LRFN5: variants seen among roughly 807,000 people sequenced by gnomAD.
LRFN5 encodes the protein leucine-rich repeat and fibronectin type-III domain-containing protein 5.
Under a neutral mutation model 45.6 loss-of-function variants are expected in LRFN5, and 24 were observed. That is an observed-to-expected ratio of 0.53 (90% CI 0.38 to 0.74). The LOEUF is 0.74. Ranked by LOEUF, LRFN5 falls within the 30% of genes least tolerant of loss-of-function variation. The pLI, the probability that LRFN5 is intolerant of heterozygous loss-of-function variation, is 0.00. For synonymous variants in LRFN5, 340 were observed against 313.8 expected (o/e 1.08, Z -0.88); for missense variants, 776 against 861.5 (o/e 0.90, Z 1.24).
chr14:41,873,489 A>C (rs1890092067), intron 2 of LRFN5, among the ~76,000 whole-genome samples: 1 of 151,898 alleles, frequency 6.6e-6, no homozygotes, highest in South Asian at 2.1e-4. Context: ...AATCTTCCAT[A>C]TGGTGTTAGT....
intron 1 of LRFN5, among the ~76,000 whole-genome samples, chr14:41,698,121 C>G (rs984568632): frequency 4.6e-5 from 7 of 151,838 alleles, no homozygotes; most frequent in Middle Eastern, 6.8e-3. Context: ...AGGTGCTGGA[C>G]AAATTTAAGA....
At chr14:41,801,071 T>A (rs1887313642) in intron 2 of LRFN5, among the ~76,000 whole-genome samples, 1 of 152,122 alleles carries the variant, frequency 6.6e-6, no homozygotes, top group South Asian at 2.1e-4. Context: ...AGAGTTTATA[T>A]ATGTACATAT....
chr14:41,769,231 G>A (rs1885994698), intron 2 of LRFN5, among the ~76,000 whole-genome samples: 1 of 152,194 alleles, frequency 6.6e-6, no homozygotes, highest in South Asian at 2.1e-4. Flanking sequence ...GAATGGAGTA[G>A]TAGTAGCAGA....
chr14:41,864,037 G>T (rs1235275538), intron 2 of LRFN5, among the ~76,000 whole-genome samples: 2 of 152,114 alleles, frequency 1.3e-5, no homozygotes, highest in Non-Finnish European at 2.9e-5. Flanking sequence ...AGTATTCCAT[G>T]GTATATATCC....
intron 1 of LRFN5, among the ~76,000 whole-genome samples, chr14:41,617,301 G>A (rs1887961081): frequency 6.6e-6 from 1 of 152,032 alleles, no homozygotes; most frequent in South Asian, 2.1e-4. Context: ...TATCATGATT[G>A]TCTCTGTTTT....
rs549730317 is a variant in LRFN5, at chr14:41,858,384, A to G, written c.-20-28222A>G. ...CGCATTCTCTCAAATGCCTATTTCC[A>G]GTAAAAAATTTCTCTGATTCTACCC... On this transcript the variant is annotated intron_variant, in intron 2 of 5. Transcript: ENST00000298119. 7.2e-5 allele frequency among the ~76,000 whole-genome samples: 11 copies of G among 152,262 alleles called. No homozygotes were observed. In the East Asian group the frequency reaches 1.9e-3, roughly 27 times the overall value.
intron 1 of LRFN5, among the ~76,000 whole-genome samples, chr14:41,648,442 C>A (rs1483980128): frequency 6.6e-6 from 1 of 151,886 alleles, no homozygotes; most frequent in East Asian, 1.9e-4. Context: ...TTAGTCTAGG[C>A]AACCAAGCGA....
Position 41,705,663 on chromosome 14 carries a change from C to T in LRFN5, c.-196-61191C>T, listed in dbSNP as rs899879226. 3.3e-5 allele frequency among the ~76,000 whole-genome samples: 5 copies of T among 152,200 alleles called. No individual in the cohort carries two copies. In the East Asian group the frequency reaches 9.7e-4, roughly 29 times the overall value. ...TCTTTATCCATATCATACTCTATCC[C>T]TACTCAAGGTAACCTAGCAACATGT... On this transcript the variant is annotated intron_variant, in intron 1 of 5. Coordinates refer to ENST00000298119, the MANE Select transcript of LRFN5 (RefSeq NM_152447.5).
At chr14:41,859,478 A>T (rs1889587440) in intron 2 of LRFN5, among the ~76,000 whole-genome samples, 1 of 152,182 alleles carries the variant, frequency 6.6e-6, no homozygotes, top group African/African-American at 2.4e-5. Context: ...CACCTTCTTT[A>T]TTGTAACAAG....
At chr14:41,859,946 G>A (rs904632846) in intron 2 of LRFN5, among the ~76,000 whole-genome samples, 1 of 152,102 alleles carries the variant, frequency 6.6e-6, no homozygotes, top group Non-Finnish European at 1.5e-5. Context: ...GGGTTTTGGA[G>A]GCAGTTAGTG....
chr14:41,745,440 T>G (rs1470736727), intron 1 of LRFN5, among the ~76,000 whole-genome samples: 3 of 152,020 alleles, frequency 2.0e-5, no homozygotes, highest in Non-Finnish European at 2.9e-5. Flanking sequence ...AGAAAGCTCT[T>G]CATTGAACAA....
At chr14:41,787,484 GT>G (rs1358345209) in intron 2 of LRFN5, among the ~76,000 whole-genome samples, 1 of 149,968 alleles carries the variant, frequency 6.7e-6, no homozygotes. Context: ...GTTGTCTCAT[GT>G]TTGAAATATA....
intron 1 of LRFN5, among the ~76,000 whole-genome samples, chr14:41,662,673 G>A (rs8020421): frequency 0.16 from 24,929 of 151,910 alleles, 2,418 homozygotes; most frequent in South Asian, 0.3. Flanking sequence ...ACATGGAGTA[G>A]AGGAGAGTGT....
chr14:41,717,451 C>A (rs57739974), intron 1 of LRFN5, among the ~76,000 whole-genome samples: 6,814 of 152,166 alleles, frequency 0.045, 335 homozygotes, highest in African/African-American at 0.12. Context: ...TTTAAATTGC[C>A]ACCTACATGG....
intron 2 of LRFN5, among the ~76,000 whole-genome samples, chr14:41,817,053 G>A (rs145337037): frequency 2.9e-5 from 4 of 137,500 alleles, no homozygotes; most frequent in African/African-American, 1.1e-4. Context: ...CCTCCGCTGT[G>A]TCCAGTCTAT....
At chr14:41,855,236 A>G (rs1889412488) in intron 2 of LRFN5, among the ~76,000 whole-genome samples, 1 of 152,180 alleles carries the variant, frequency 6.6e-6, no homozygotes, top group Non-Finnish European at 1.5e-5. Flanking sequence ...ATAGTGGGAT[A>G]TAACTCACAT....
At chr14:41,839,693 A>C (rs1299010061) in intron 2 of LRFN5, among the ~76,000 whole-genome samples, 2 of 152,076 alleles carry the variant, frequency 1.3e-5, no homozygotes, top group East Asian at 1.9e-4. Context: ...AGCTCAACTC[A>C]CCAAAGCTAT....
At chr14:41,790,729 A>G (rs1207335103) in intron 2 of LRFN5, among the ~76,000 whole-genome samples, 1 of 151,182 alleles carries the variant, frequency 6.6e-6, no homozygotes, top group Admixed American at 6.6e-5. Flanking sequence ...TTTAACAGTT[A>G]TGACTAATTT....
At chr14:41,700,284 T>C (rs1882784918) in intron 1 of LRFN5, 1 of 151,956 alleles carries the variant, frequency 6.6e-6, no homozygotes, top group Middle Eastern at 3.2e-3. Context: ...AACAAATGAG[T>C]TGAGTCAATT....
Sources: gnomAD v4.1 joint callset for allele counts (sites outside exome capture counted in the v4.1 genomes callset) on GRCh38, gnomAD v4.1.1 for gene constraint, MANE v1.5 for transcripts, NCBI Gene and HGNC (gene_info 2026-07-23, HGNC 2026-07-21) for gene names.